Variants in PCDH15 observed in about 807,000 individuals in gnomAD.
PCDH15 encodes the protein protocadherin-15.
A neutral mutation model predicts 178.5 loss-of-function variants in PCDH15; 129 were observed. The observed-to-expected ratio is 0.72, with a 90% CI of 0.63 to 0.84. PCDH15 has a LOEUF of 0.84. Ranked by LOEUF, PCDH15 falls within the 40% of genes least tolerant of loss-of-function variation. The pLI, the probability that PCDH15 is intolerant of heterozygous loss-of-function variation, is 0.00. For synonymous variants in PCDH15, 800 were observed against 732.0 expected, an observed-to-expected ratio of 1.09 and a Z score of -1.50; for missense variants, 2,230 against 2,099.9, an observed-to-expected ratio of 1.06 and a Z score of -1.21.
intron 25 of PCDH15, among the ~76,000 whole-genome samples, chr10:53,934,756 G>T (rs933445190): frequency 3.2e-4 from 48 of 151,908 alleles, no homozygotes; most frequent in African/African-American, 1.9e-4. Flanking sequence ...TACTCTCTTG[G>T]CTATCTCCAG....
chr10:55,285,694 C>G (rs1842852000), intron 1 of PCDH15, among the ~76,000 whole-genome samples: 1 of 151,840 alleles, frequency 6.6e-6, no homozygotes, highest in Middle Eastern at 3.4e-3. Flanking sequence ...TCAACAAATG[C>G]TTGTTGAGGG....
intron 2 of PCDH15, among the ~76,000 whole-genome samples, chr10:55,432,071 G>C (rs1271349376): frequency 9.0e-6 from 1 of 111,330 alleles, no homozygotes; most frequent in Non-Finnish European, 2.0e-5. Flanking sequence ...GATAGGCAGA[G>C]CTATCATTTA....
intron 2 of PCDH15, among the ~76,000 whole-genome samples, chr10:55,498,797 T>G (rs965851851): frequency 6.6e-6 from 1 of 151,802 alleles, no homozygotes; most frequent in Non-Finnish European, 1.5e-5. Context: ...CATAATGGCC[T>G]CATGAGTTTG....
intron 18 of PCDH15, among the ~76,000 whole-genome samples, chr10:54,045,262 G>C (rs1056272921): frequency 6.6e-6 from 1 of 152,080 alleles, no homozygotes; most frequent in East Asian, 1.9e-4. Context: ...TCCTTGCAAA[G>C]CTAGGCTCTG....
At chr10:54,193,773 A>G (rs1439136386) in intron 11 of PCDH15, among the ~76,000 whole-genome samples, 1 of 152,198 alleles carries the variant, frequency 6.6e-6, no homozygotes, top group African/African-American at 2.4e-5. Flanking sequence ...ATCAAAGTAT[A>G]TAAAATATAG....
At chr10:53,909,583 G>A (rs537628905) in intron 25 of PCDH15, among the ~76,000 whole-genome samples, 6 of 152,298 alleles carry the variant, frequency 3.9e-5, no homozygotes, top group Admixed American at 1.3e-4. Flanking sequence ...AGCTCCCAGC[G>A]TGCTTGGCGC....
At chr10:54,502,119 T>C (rs569921517) in intron 3 of PCDH15, among the ~76,000 whole-genome samples, 10 of 152,182 alleles carry the variant, frequency 6.6e-5, no homozygotes, top group African/African-American at 2.4e-4. Context: ...AAGTGTGGAA[T>C]GAGAATGCTT....
intron 3 of PCDH15, among the ~76,000 whole-genome samples, chr10:54,459,456 T>C (rs1217221423): frequency 1.3e-5 from 2 of 152,098 alleles, no homozygotes. Context: ...TAAGTTGTTT[T>C]GCATGAAGTC....
At chr10:54,503,745 A>AT (rs2080926338) in intron 3 of PCDH15, among the ~76,000 whole-genome samples, 1 of 152,092 alleles carries the variant, frequency 6.6e-6, no homozygotes, top group African/African-American at 2.4e-5. Flanking sequence ...TTAGAGACAA[A>AT]TGAAGAACTA....
At chr10:55,529,673 A>AT (rs1841398433) in intron 2 of PCDH15, among the ~76,000 whole-genome samples, 1 of 147,200 alleles carries the variant, frequency 6.8e-6, no homozygotes, top group South Asian at 2.1e-4. Context: ...ATTGGCATAA[A>AT]TTCTGCCTTT....
intron 26 of PCDH15, among the ~76,000 whole-genome samples, chr10:53,888,870 C>T (rs2081364053): frequency 1.3e-5 from 2 of 149,810 alleles, no homozygotes; most frequent in South Asian, 4.2e-4. Context: ...GATGCAAAGA[C>T]AAACAGGTCA....
intron 28 of PCDH15, among the ~76,000 whole-genome samples, chr10:53,849,320 A>C (rs1179774053): frequency 1.3e-5 from 2 of 152,056 alleles, no homozygotes; most frequent in African/African-American, 4.8e-5. Flanking sequence ...TTAACTAAGA[A>C]AGTTGATTTA....
At chr10:54,643,993 A>G (rs1388150573) in intron 2 of PCDH15, among the ~76,000 whole-genome samples, 15 of 85,990 alleles carry the variant, frequency 1.7e-4, no homozygotes, top group African/African-American at 6.7e-4. Context: ...AACAGTCCCC[A>G]GAGTGTGATG....
intron 2 of PCDH15, among the ~76,000 whole-genome samples, chr10:55,166,094 A>T (rs1212306253): frequency 6.6e-6 from 1 of 152,136 alleles, no homozygotes; most frequent in Non-Finnish European, 1.5e-5. Flanking sequence ...CACATAAAAG[A>T]AAATTGATTT....
intron 2 of PCDH15, among the ~76,000 whole-genome samples, chr10:55,043,830 T>C (rs983673852): frequency 6.6e-6 from 1 of 152,066 alleles, no homozygotes; most frequent in Non-Finnish European, 1.5e-5. Flanking sequence ...TCTGGATACT[T>C]GCTTACATAG....
At chr10:53,910,511 C>T (rs1296088690) in intron 25 of PCDH15, among the ~76,000 whole-genome samples, 1 of 152,142 alleles carries the variant, frequency 6.6e-6, no homozygotes, top group Non-Finnish European at 1.5e-5. Context: ...CTGTACGTCA[C>T]CATCATCAAA....
chr10:54,892,339 A>C (rs1490212389), intron 3 of PCDH15, among the ~76,000 whole-genome samples: 1 of 152,142 alleles, frequency 6.6e-6, no homozygotes, highest in African/African-American at 2.4e-5. Context: ...AATTAGTGTG[A>C]TCTAACTGTA....
At chr10:54,983,069 T>C (rs1268177885) in intron 2 of PCDH15, among the ~76,000 whole-genome samples, 2 of 152,158 alleles carry the variant, frequency 1.3e-5, no homozygotes, top group African/African-American at 2.4e-5. Context: ...TAAGCTTCTC[T>C]GAGTAGGCAT....
At chr10:55,598,370 A>G (rs1842978329) in intron 2 of PCDH15, among the ~76,000 whole-genome samples, 1 of 151,582 alleles carries the variant, frequency 6.6e-6, no homozygotes, top group Non-Finnish European at 1.5e-5. Flanking sequence ...TCGCCAGAGT[A>G]CTACATGCAG....
Sources: gnomAD v4.1 joint callset for allele counts (sites outside exome capture counted in the v4.1 genomes callset) on GRCh38, gnomAD v4.1.1 for gene constraint, MANE v1.5 for transcripts, NCBI Gene and HGNC (gene_info 2026-07-23, HGNC 2026-07-21) for gene names.